WWOX: variants seen among roughly 807,000 people sequenced by gnomAD.
WWOX encodes the protein WW domain containing oxidoreductase, also known as WW domain-containing oxidoreductase.
A neutral mutation model predicts 46.2 loss-of-function variants in WWOX; 69 were observed. The observed-to-expected ratio is 1.49, with a 90% CI of 1.23 to 1.82. The LOEUF (loss-of-function observed/expected upper bound fraction) is 1.82, where lower values mean the gene tolerates loss of function less well. Among genes scored for constraint, WWOX ranks in the 40% most tolerant of loss-of-function variants. WWOX has a pLI of 0.00. For synonymous variants in WWOX, 359 were observed against 202.6 expected (o/e 1.77, Z -6.56); for missense variants, 919 against 542.6 (o/e 1.69, Z -6.89).
intron 8 of WWOX, among the ~76,000 whole-genome samples, chr16:78,828,600 C>T (rs11150105): frequency 0.26 from 40,179 of 151,792 alleles, 6,265 homozygotes; most frequent in Middle Eastern, 0.42. Flanking sequence ...CAAATTCTAT[C>T]GGACACATGT....
intron 8 of WWOX, among the ~76,000 whole-genome samples, chr16:78,447,072 C>T (rs1380163771): frequency 6.6e-6 from 1 of 152,122 alleles, no homozygotes; most frequent in Non-Finnish European, 1.5e-5. Context: ...CTGTCCAGTG[C>T]CTTTCAGAAG....
chr16:78,887,153 A>T (rs79992632), intron 8 of WWOX, among the ~76,000 whole-genome samples: 2,857 of 143,070 alleles, frequency 0.02, 115 homozygotes, highest in Admixed American at 0.085. Context: ...GTCTAGGGCT[A>T]GGTTTGGGAA....
intron 5 of WWOX, among the ~76,000 whole-genome samples, chr16:78,271,494 C>T (rs1207555988): frequency 1.3e-5 from 2 of 152,190 alleles, no homozygotes; most frequent in African/African-American, 4.8e-5. Context: ...GAGCCAACCA[C>T]GAGAGCTTCA....
chr16:78,172,349 A>G (rs2035190380), intron 5 of WWOX, among the ~76,000 whole-genome samples: 1 of 152,156 alleles, frequency 6.6e-6, no homozygotes, highest in South Asian at 2.1e-4. Context: ...TCAGTTGCCT[A>G]TTTGACCTTT....
At chr16:78,223,020 CAG>C (rs1362130698) in intron 5 of WWOX, among the ~76,000 whole-genome samples, 2 of 152,140 alleles carry the variant, frequency 1.3e-5, no homozygotes. Flanking sequence ...CTTTCAGTCT[CAG>C]GAGATTCTGG....
intron 8 of WWOX, among the ~76,000 whole-genome samples, chr16:79,111,139 C>T (rs751271143): frequency 6.6e-6 from 1 of 152,090 alleles, no homozygotes; most frequent in Non-Finnish European, 1.5e-5. Context: ...ATAAAAATGC[C>T]AAGTCATGTA....
intron 4 of WWOX, among the ~76,000 whole-genome samples, chr16:78,138,591 A>C (rs965981895): frequency 6.6e-6 from 1 of 152,214 alleles, no homozygotes; most frequent in Non-Finnish European, 1.5e-5. Context: ...GTCCGATAAG[A>C]ATCCATATCT....
chr16:78,671,084 G>A (rs997282379), intron 8 of WWOX, among the ~76,000 whole-genome samples: 1 of 152,208 alleles, frequency 6.6e-6, no homozygotes, highest in African/African-American at 2.4e-5. Flanking sequence ...TCAGCCTGCA[G>A]ACACTCAGAT....
intron 8 of WWOX, among the ~76,000 whole-genome samples, chr16:78,644,729 C>CT (rs1245894579): frequency 6.6e-6 from 1 of 152,212 alleles, no homozygotes; most frequent in Non-Finnish European, 1.5e-5. Context: ...TCCCAAAGTG[C>CT]TGGGATTACA....
At chr16:78,642,079 G>A (rs2046731063) in intron 8 of WWOX, among the ~76,000 whole-genome samples, 1 of 152,214 alleles carries the variant, frequency 6.6e-6, no homozygotes, top group Admixed American at 6.5e-5. Context: ...AGTGTGACAT[G>A]CCTGTGTAGG....
intron 8 of WWOX, among the ~76,000 whole-genome samples, chr16:78,611,253 T>A (rs1356244626): frequency 6.6e-6 from 1 of 152,184 alleles, no homozygotes; most frequent in Non-Finnish European, 1.5e-5. Flanking sequence ...GACATCTCCT[T>A]CTCATATGTT....
chr16:78,622,567 G>A (rs2046215573), intron 8 of WWOX, among the ~76,000 whole-genome samples: 1 of 151,112 alleles, frequency 6.6e-6, no homozygotes, highest in African/African-American at 2.4e-5. Context: ...GTGAACCCTT[G>A]TAGTTTCTTC....
chr16:78,810,351 C>T (rs932880873), intron 8 of WWOX, among the ~76,000 whole-genome samples: 17 of 152,118 alleles, frequency 1.1e-4, no homozygotes, highest in Non-Finnish European at 1.6e-4. Flanking sequence ...TATGATCAGC[C>T]GGTATATTTA....
At chr16:78,973,830 T>G (rs982754563) in intron 8 of WWOX, among the ~76,000 whole-genome samples, 1 of 152,248 alleles carries the variant, frequency 6.6e-6, no homozygotes, top group African/African-American at 2.4e-5. Flanking sequence ...CCAGGGCTCA[T>G]GAGCCGAGAG....
intron 8 of WWOX, among the ~76,000 whole-genome samples, chr16:78,443,794 C>T (rs1597093534): frequency 6.6e-6 from 1 of 152,124 alleles, no homozygotes; most frequent in South Asian, 2.1e-4. Flanking sequence ...TATTACTTTT[C>T]TTTTTTCTTT....
At chr16:78,368,335 C>A (rs538408956) in intron 5 of WWOX, among the ~76,000 whole-genome samples, 2 of 152,186 alleles carry the variant, frequency 1.3e-5, no homozygotes, top group South Asian at 4.2e-4. Flanking sequence ...AACATATGGC[C>A]CTTAGCCACA....
At chr16:78,239,108 G>A (rs1400399401) in intron 5 of WWOX, among the ~76,000 whole-genome samples, 1 of 152,118 alleles carries the variant, frequency 6.6e-6, no homozygotes, top group Non-Finnish European at 1.5e-5. Context: ...TCCTCCTCAG[G>A]TGGCCACTGT....
intron 8 of WWOX, among the ~76,000 whole-genome samples, chr16:78,538,019 T>A (rs1343514733): frequency 6.6e-6 from 1 of 152,044 alleles, no homozygotes; most frequent in African/African-American, 2.4e-5. Context: ...AGATGAGGGT[T>A]GAATTATAGG....
At chr16:78,723,388 C>A (rs187734663) in intron 8 of WWOX, among the ~76,000 whole-genome samples, 1 of 151,922 alleles carries the variant, frequency 6.6e-6, no homozygotes, top group Non-Finnish European at 1.5e-5. Context: ...CAGGAGAAGG[C>A]GGAGTGACCA....
Sources: gnomAD v4.1 joint callset for allele counts (sites outside exome capture counted in the v4.1 genomes callset) on GRCh38, gnomAD v4.1.1 for gene constraint, MANE v1.5 for transcripts, NCBI Gene and HGNC (gene_info 2026-07-23, HGNC 2026-07-21) for gene names.